The following IQCM variants were observed in gnomAD, a reference collection of about 807,000 sequenced individuals.
The protein encoded by IQCM is IQ motif containing M, also known as IQ domain-containing protein M.
A neutral mutation model predicts 57.6 loss-of-function variants in IQCM; 45 were observed. The ratio of observed to expected loss-of-function variants is 0.78; its 90% CI spans 0.62 to 1.00. IQCM has a LOEUF of 1.00. Ranked by LOEUF, IQCM falls within the 50% of genes least tolerant of loss-of-function variation. IQCM has a pLI of 0.00. For synonymous variants in IQCM, 148 were observed against 158.9 expected, an observed-to-expected ratio of 0.93 and a Z score of 0.51; for missense variants, 468 against 511.6, an observed-to-expected ratio of 0.91 and a Z score of 0.82.
chr4:149,530,027 G>T (rs1031996518), intron 12 of IQCM, among the ~76,000 whole-genome samples: 1 of 151,910 alleles, frequency 6.6e-6, no homozygotes, highest in Non-Finnish European at 1.5e-5. Flanking sequence ...ATCCACTCCT[G>T]CCTTAGGACT....
chr4:149,593,911 A>C (rs1344007635), intron 8 of IQCM, among the ~76,000 whole-genome samples: 4 of 151,948 alleles, frequency 2.6e-5, no homozygotes, highest in Non-Finnish European at 4.4e-5. Context: ...CATTGGTCTA[A>C]AATTCTCTTT....
At chr4:149,642,764 T>G (rs866716675) in intron 7 of IQCM, among the ~76,000 whole-genome samples, 9 of 152,184 alleles carry the variant, frequency 5.9e-5, no homozygotes, top group African/African-American at 2.2e-4. Context: ...CTCCTTAGAT[T>G]TGGGATAGAT....
intron 13 of IQCM, among the ~76,000 whole-genome samples, chr4:149,431,316 C>T (rs2111261451): frequency 6.6e-6 from 1 of 151,966 alleles, no homozygotes; most frequent in Non-Finnish European, 1.5e-5. Flanking sequence ...GCTGCTCATC[C>T]CTGCTGACAC....
intron 7 of IQCM, among the ~76,000 whole-genome samples, chr4:149,655,129 T>C (rs1338505246): frequency 6.6e-6 from 1 of 152,188 alleles, no homozygotes; most frequent in Non-Finnish European, 1.5e-5. Context: ...TTAAATGTTA[T>C]ATTTCAAGAT....
intron 13 of IQCM, among the ~76,000 whole-genome samples, chr4:149,423,626 C>A (rs543857912): frequency 1.3e-5 from 2 of 152,126 alleles, no homozygotes; most frequent in Admixed American, 1.3e-4. Context: ...AACAACGGAG[C>A]ACTCACTGTG....
At chr4:149,403,971 GACAA>G (rs1304421412) in intron 13 of IQCM, among the ~76,000 whole-genome samples, 7 of 151,982 alleles carry the variant, frequency 4.6e-5, no homozygotes, top group Non-Finnish European at 8.8e-5. Context: ...GTCAAGCACA[GACAA>G]ACAACCAAAT....
intron 12 of IQCM, among the ~76,000 whole-genome samples, chr4:149,524,270 C>T (rs1190455910): frequency 6.6e-6 from 1 of 152,006 alleles, no homozygotes; most frequent in East Asian, 1.9e-4. Flanking sequence ...TGAGGAGCAG[C>T]ACAGGAAATT....
At chr4:149,573,115 G>A (rs1751319530) in intron 9 of IQCM, among the ~76,000 whole-genome samples, 1 of 151,660 alleles carries the variant, frequency 6.6e-6, no homozygotes, top group Non-Finnish European at 1.5e-5. Context: ...GGTCATAAAG[G>A]TGTTGTTTTA....
chr4:149,812,184 A>G (rs1209591882), intron 2 of IQCM, among the ~76,000 whole-genome samples: 1 of 152,184 alleles, frequency 6.6e-6, no homozygotes, highest in Non-Finnish European at 1.5e-5. Flanking sequence ...GGGTGAACTG[A>G]GAAATACAAA....
chr4:149,585,470 C>T (rs925769301), intron 9 of IQCM, among the ~76,000 whole-genome samples: 13 of 151,722 alleles, frequency 8.6e-5, no homozygotes, highest in African/African-American at 3.1e-4. Context: ...CAATTAAGTA[C>T]ATTTGTGTAT....
At chr4:149,501,982 A>G (rs893863238) in intron 12 of IQCM, among the ~76,000 whole-genome samples, 1 of 152,146 alleles carries the variant, frequency 6.6e-6, no homozygotes, top group Non-Finnish European at 1.5e-5. Context: ...TGAACTTCCT[A>G]TAACTTTAGC....
intron 9 of IQCM, among the ~76,000 whole-genome samples, chr4:149,582,397 T>A (rs1284823836): frequency 9.0e-6 from 1 of 111,566 alleles, no homozygotes; most frequent in African/African-American, 3.2e-5. Flanking sequence ...AGGGGCTTAA[T>A]CAGAAAAGAA....
chr4:149,650,543 C>T (rs1353494480), intron 7 of IQCM, among the ~76,000 whole-genome samples: 1 of 151,986 alleles, frequency 6.6e-6, no homozygotes, highest in Non-Finnish European at 1.5e-5. Context: ...CAAGTACCTG[C>T]CATGCCTGGC....
At chr4:149,498,174 T>G (rs1482002358) in intron 12 of IQCM, among the ~76,000 whole-genome samples, 2 of 152,074 alleles carry the variant, frequency 1.3e-5, no homozygotes, top group Non-Finnish European at 2.9e-5. Context: ...AACCACTTGT[T>G]TTTCCCCTCC....
chr4:149,512,509 C>A (rs1744532628), intron 12 of IQCM, among the ~76,000 whole-genome samples: 1 of 152,144 alleles, frequency 6.6e-6, no homozygotes, highest in Non-Finnish European at 1.5e-5. Flanking sequence ...CAGCTTTTGA[C>A]ATTTTATATT....
chr4:149,442,477 G>A (rs1165909885), intron 12 of IQCM, among the ~76,000 whole-genome samples: 1 of 151,990 alleles, frequency 6.6e-6, no homozygotes, highest in Non-Finnish European at 1.5e-5. Context: ...TTAAAACTGT[G>A]CTTAACTGAA....
intron 12 of IQCM, among the ~76,000 whole-genome samples, chr4:149,501,595 A>G (rs573432664): frequency 3.9e-5 from 6 of 152,244 alleles, no homozygotes; most frequent in Non-Finnish European, 7.3e-5. Context: ...CCACCAACAA[A>G]AAAACAATCT....
rs1034321853 is a variant in IQCM, at chr4:149,733,357, T to C, written c.272A>G (p.Lys91Arg). 7 of 1,231,702 alleles carry C rather than the reference T, an allele frequency of 5.7e-6. No homozygotes were observed. In the African/African-American group the frequency reaches 1.1e-4, roughly 19 times the overall value. The allele number at this position is 1,231,702 out of a possible 1,614,324, so 76.3% of individuals were successfully genotyped here. ...AAGATGCTCGCTTTTGGAAAGCTCC[T>C]TGGGAAAGCAAATCCTTCTGAGTGC... ...RAALRRICFP[K>R]ELSKSEHLQE... The change falls in exon 5 of 14, where the codon AAG (lysine) becomes AGG (arginine). Residue 91 changes from lysine (K) to arginine (R), a missense_variant. By Grantham distance (26) the Lys-to-Arg change is conservative. Transcript: ENST00000636793.
At chr4:149,504,236 A>G (rs1424795214) in intron 12 of IQCM, among the ~76,000 whole-genome samples, 1 of 152,232 alleles carries the variant, frequency 6.6e-6, no homozygotes, top group Non-Finnish European at 1.5e-5. Context: ...TTGACAGTAT[A>G]AATTTAAAAA....
Sources: allele counts gnomAD v4.1 joint callset (sites outside exome capture counted in the v4.1 genomes callset), GRCh38; gene constraint gnomAD v4.1.1; transcripts MANE v1.5; gene names NCBI Gene and HGNC (gene_info 2026-07-23, HGNC 2026-07-21).